RNF212B: variants seen among roughly 807,000 people sequenced by gnomAD.
RNF212B encodes the protein E3 ubiquitin-protein ligase RNF212B.
A neutral mutation model predicts 55.5 loss-of-function variants in RNF212B; 52 were observed. The ratio of observed to expected loss-of-function variants is 0.94; its 90% CI spans 0.75 to 1.18. The LOEUF (loss-of-function observed/expected upper bound fraction) is 1.18. Among genes scored for constraint, RNF212B ranks in the 50% most tolerant of loss-of-function variants. The pLI is 0.00. For synonymous variants in RNF212B, 99 were observed against 121.4 expected (o/e 0.82, Z 1.21); for missense variants, 289 against 350.4 (o/e 0.82, Z 1.40).
chr14:23,237,898 C>CG (rs565796364), upstream of RNF212B, among the ~76,000 whole-genome samples: 46 of 152,272 alleles, frequency 3.0e-4, no homozygotes, highest in African/African-American at 8.7e-4. Context: ...CCGCCAGGCC[C>CG]CGCCCACACC....
At chr14:23,237,698 G>A (rs1325007450), upstream of RNF212B, among the ~76,000 whole-genome samples, 1 of 152,150 alleles carries the variant, frequency 6.6e-6, no homozygotes, top group Non-Finnish European at 1.5e-5. Flanking sequence ...ACAGTAACAT[G>A]TATGGGATTA....
intron 14 of RNF212B, among the ~76,000 whole-genome samples, chr14:23,270,918 C>T (rs754850068): frequency 1.3e-5 from 2 of 152,092 alleles, no homozygotes; most frequent in African/African-American, 2.4e-5. Flanking sequence ...TCTTGGCCAG[C>T]GTGAAGTAAG....
chr14:23,231,699 G>A (rs1190989064), intron 2 of RNF212B, among the ~76,000 whole-genome samples: 1 of 152,054 alleles, frequency 6.6e-6, no homozygotes, highest in Non-Finnish European at 1.5e-5. Context: ...AGCCGAAGCT[G>A]GACTGTACTG....
chr14:23,240,424 T>C lies in RNF212B; in HGVS notation c.79T>C (p.Cys27Arg), dbSNP rs753470758. 2 of 1,549,920 alleles carry C rather than the reference T, an allele frequency of 1.3e-6. No homozygotes were observed. The highest frequency in any genetic ancestry group is 1.7e-6 in the Non-Finnish European group (2 of 1,146,574). The change falls in exon 2 of 15, where the codon TGT (cysteine) becomes CGT (arginine). Residue 27 changes from cysteine to arginine, a missense_variant. Transcript: ENST00000430154. The part of the protein sequence containing the change: ...FFVTSCGHIF[C>R]KKCVTLEKCA... Reference sequence around the variant, plus strand: ...TGTCACCAGCTGTGGCCATATTTTCTGTAAAAAGTGTGTGACTCTGGGTGA... The same window carrying C: ...TGTCACCAGCTGTGGCCATATTTTCCGTAAAAAGTGTGTGACTCTGGGTGA...
chr14:23,245,128 T>G (rs74036958), intron 4 of RNF212B, among the ~76,000 whole-genome samples: 1 of 152,306 alleles, frequency 6.6e-6, no homozygotes, highest in African/African-American at 2.4e-5. Flanking sequence ...ACTGTTCCCT[T>G]TCTATACTCT....
intron 2 of RNF212B, among the ~76,000 whole-genome samples, chr14:23,210,216 A>G (rs1018564428): frequency 6.6e-6 from 1 of 152,206 alleles, no homozygotes; most frequent in African/African-American, 2.4e-5. Flanking sequence ...AGCATCAGAC[A>G]AGCCCAAACT....
intron 2 of RNF212B, among the ~76,000 whole-genome samples, chr14:23,215,654 C>A (rs752428040): frequency 2.0e-5 from 3 of 152,112 alleles, no homozygotes; most frequent in Non-Finnish European, 4.4e-5. Flanking sequence ...ATAAGGTGAA[C>A]TCAAGACATT....
At chr14:23,224,664 TG>T (rs1566409059) in intron 2 of RNF212B, among the ~76,000 whole-genome samples, 1 of 152,138 alleles carries the variant, frequency 6.6e-6, no homozygotes, top group East Asian at 1.9e-4. Context: ...AAGAAAACAT[TG>T]GGGAAACTTT....
At chr14:23,244,927 G>A (rs186930670) in intron 4 of RNF212B, among the ~76,000 whole-genome samples, 1 of 152,252 alleles carries the variant, frequency 6.6e-6, no homozygotes, top group East Asian at 1.9e-4. Context: ...TGTGTCATAT[G>A]TTGGCATACA....
At position 23,258,678 on chromosome 14, in the gene RNF212B, C is replaced by A; in HGVS notation, c.344+14C>A. The A allele has an allele frequency of 3.8e-5, 41 of 1,072,212 alleles. No individual in the cohort carries two copies. The highest frequency in any genetic ancestry group is 4.4e-5 in the Non-Finnish European group (33 of 756,984). The allele number at this position is 1,072,212 out of a possible 1,614,324, so 66.4% of individuals were successfully genotyped here. ...GAGCCAGGACAAGTAAGTAACAAAT[C>A]AAGTCCCAAGAGAGCTTTTTTTTTT... On this transcript the variant is annotated intron_variant, in intron 5 of 14. Transcript: ENST00000430154.
At chr14:23,243,146 C>T (rs1030089984) in intron 2 of RNF212B, 110 bp from the exon 3 acceptor site, 2 of 717,740 alleles carry the variant, frequency 2.8e-6, no homozygotes, top group Admixed American at 2.6e-5. Flanking sequence ...AGTTAAGAAC[C>T]CTTTTTTTCT....
chr14:23,215,286 CTG>C (rs1880956022), intron 2 of RNF212B, among the ~76,000 whole-genome samples: 1 of 152,302 alleles, frequency 6.6e-6, no homozygotes, highest in Admixed American at 6.5e-5. Flanking sequence ...CCGTGCAGAA[CTG>C]TGAGTCAATT....
intron 2 of RNF212B, among the ~76,000 whole-genome samples, chr14:23,211,593 G>A (rs1246017185): frequency 6.6e-6 from 1 of 152,060 alleles, no homozygotes; most frequent in Non-Finnish European, 1.5e-5. Context: ...GAACATAAAT[G>A]CAGCAAATAA....
chr14:23,194,431 T>C (rs559654010), intron 2 of RNF212B, among the ~76,000 whole-genome samples: 1 of 152,274 alleles, frequency 6.6e-6, no homozygotes, highest in East Asian at 1.9e-4. Context: ...AATTTTAATG[T>C]ACCTCTATTA....
At chr14:23,250,041 A>G (rs1273943485) in intron 4 of RNF212B, among the ~76,000 whole-genome samples, 1 of 152,116 alleles carries the variant, frequency 6.6e-6, no homozygotes, top group Non-Finnish European at 1.5e-5. Flanking sequence ...CACAACTACC[A>G]TCTCACCTCT....
At chr14:23,188,620 C>G (rs1877825882) in intron 1 of RNF212B, among the ~76,000 whole-genome samples, 1 of 152,070 alleles carries the variant, frequency 6.6e-6, no homozygotes, top group African/African-American at 2.4e-5. Context: ...GTGCACACCA[C>G]TATGCCTGGC....
chr14:23,272,891 G>C lies in RNF212B; in HGVS notation c.903G>C (p.Ter301TyrextTer6). The C allele has an allele frequency of 2.0e-6, 3 of 1,523,530 alleles. No individual in the cohort carries two copies. Among genetic ancestry groups the C allele is most frequent in the Non-Finnish European group, 2.7e-6 (3 of 1,127,456 alleles). 94.4% of individuals were successfully genotyped at this position (1,523,530 alleles called of 1,614,324 possible). A position where few individuals can be genotyped will look rare whatever the true frequency, so the allele number is the denominator to read the frequency against. Reference protein sequence around the residue: ...SGREAWTTSR* With the variant: ...SGREAWTTSRY ...GAGAAGCATGGACCACTTCTAGATA[G>C]ATCATCTTCAAGATCTGATCTATAC... The change falls in exon 15 of 15, where the codon TAG becomes TAC. Residue 301 changes from the stop codon to tyrosine (Y), a stop_lost. Transcript: ENST00000430154.
chr14:23,200,893 A>G (rs1272176173), intron 2 of RNF212B, among the ~76,000 whole-genome samples: 1 of 152,184 alleles, frequency 6.6e-6, no homozygotes, highest in Non-Finnish European at 1.5e-5. Context: ...TTCTTATTGC[A>G]CTTATGCAAC....
At chr14:23,197,817 C>G (rs1216549752) in intron 2 of RNF212B, among the ~76,000 whole-genome samples, 1 of 150,110 alleles carries the variant, frequency 6.7e-6, no homozygotes, top group Non-Finnish European at 1.5e-5. Flanking sequence ...GTTTATTTCA[C>G]CTGGGTGCAG....
Sources: allele counts gnomAD v4.1 joint callset (sites outside exome capture counted in the v4.1 genomes callset), GRCh38; gene constraint gnomAD v4.1.1; transcripts MANE v1.5; gene names NCBI Gene and HGNC (gene_info 2026-07-23, HGNC 2026-07-21).